Variants in MANBA observed in about 807,000 individuals in gnomAD.
The protein encoded by MANBA is mannosidase beta, also known as beta-mannosidase.
MANBA carries 83 observed loss-of-function variants against 111.1 expected under a neutral mutation model. The observed-to-expected ratio is 0.75, with a 90% CI of 0.63 to 0.90. The LOEUF (loss-of-function observed/expected upper bound fraction) is 0.90, where lower values mean the gene tolerates loss of function less well. MANBA is among the 40% of genes least tolerant of loss of function. The pLI is 0.00. For missense variants in MANBA, 1,036 were observed against 1,069.0 expected, an observed-to-expected ratio of 0.97 and a Z score of 0.43; for synonymous variants, 370 against 378.7, an observed-to-expected ratio of 0.98 and a Z score of 0.27.
At chr4:102,729,819 A>C (rs1246600759) in intron 1 of MANBA, 22 of 1,258,886 alleles carry the variant, frequency 1.7e-5, no homozygotes, top group Non-Finnish European at 2.4e-5. Flanking sequence ...AGTCTCCAGC[A>C]TCTTGTTCTA....
In MANBA at chr4:102,704,095, G is replaced by GA. The variant is rs749948100; in HGVS notation, c.673+10342dup. On this transcript the variant is annotated intron_variant, in intron 5 of 16. Coordinates refer to ENST00000647097, the MANE Select transcript of MANBA (RefSeq NM_005908.4). ...GGGTAACAGAGCAAAACTCTATCTC[G>GA]AAAAAAAAAAACCAAAAAATTTGAT... Among the ~76,000 whole-genome samples the GA allele has an allele frequency of 2.9e-3, 419 of 143,282 alleles. 4 individuals are homozygous for GA. Among genetic ancestry groups the GA allele is most frequent in the East Asian group, 0.027 (134 of 4,994 alleles). The allele number at this position is 143,282 out of a possible 152,430, so 94.0% of individuals were successfully genotyped here.
At chr4:102,667,351 T>C (rs1222593263) in intron 10 of MANBA, 1 of 152,150 alleles carries the variant, frequency 6.6e-6, no homozygotes, top group East Asian at 1.9e-4. Context: ...GGTGAGAAAG[T>C]AAATACAAAT....
intron 7 of MANBA, among the ~76,000 whole-genome samples, chr4:102,682,242 T>C (rs1732020065): frequency 6.6e-6 from 1 of 151,086 alleles, no homozygotes. Context: ...AATCTAAGCA[T>C]ACATGTATAT....
chr4:102,689,713 A>C (rs1343243628), intron 6 of MANBA, 29 bp from the exon 7 acceptor site: 2 of 1,322,698 alleles, frequency 1.5e-6, no homozygotes, highest in East Asian at 2.3e-5. Flanking sequence ...AGTCACTCTA[A>C]TATGTCATAT....
intron 14 of MANBA, 103 bp from the exon 15 acceptor site, chr4:102,636,110 G>A: frequency 9.9e-7 from 1 of 1,012,244 alleles, no homozygotes; most frequent in Non-Finnish European, 1.5e-6. Flanking sequence ...CTAAGGGAGT[G>A]AGCATGTGAG....
intron 1 of MANBA, among the ~76,000 whole-genome samples, chr4:102,741,691 T>A (rs1309231234): frequency 6.6e-6 from 1 of 152,246 alleles, no homozygotes; most frequent in Non-Finnish European, 1.5e-5. Flanking sequence ...CCAAGCATTG[T>A]ATGTTCTCAC....
intron 14 of MANBA, among the ~76,000 whole-genome samples, chr4:102,638,454 C>T (rs1227484648): frequency 7.7e-6 from 1 of 129,796 alleles, no homozygotes; most frequent in African/African-American, 3.1e-5. Flanking sequence ...AAACAAAAAA[C>T]CACTTAGAGT....
intron 1 of MANBA, chr4:102,728,264 T>C: frequency 1.9e-6 from 1 of 536,124 alleles, no homozygotes; most frequent in East Asian, 5.4e-5. Flanking sequence ...CCAGGCACCC[T>C]GTTCCTTCCT....
intron 1 of MANBA, among the ~76,000 whole-genome samples, chr4:102,741,796 T>C (rs1209345868): frequency 6.6e-6 from 1 of 152,144 alleles, no homozygotes; most frequent in Admixed American, 6.5e-5. Context: ...AGGTGAGGGA[T>C]AAAAGACTAC....
chr4:102,741,510 C>T (rs1376440396), intron 1 of MANBA, among the ~76,000 whole-genome samples: 3 of 152,162 alleles, frequency 2.0e-5, no homozygotes, highest in East Asian at 1.9e-4. Flanking sequence ...CACCACAATT[C>T]GCAATTGCAA....
chr4:102,729,362 C>T (rs1445976727), intron 1 of MANBA: 4 of 775,094 alleles, frequency 5.2e-6, no homozygotes, highest in South Asian at 2.9e-5. Context: ...CTGCAGTTGG[C>T]GATCTCCTCG....
At chr4:102,694,479 A>C (rs1732619689) in intron 5 of MANBA, among the ~76,000 whole-genome samples, 1 of 152,184 alleles carries the variant, frequency 6.6e-6, no homozygotes. Flanking sequence ...GTAGTTAAGA[A>C]GAACTCCATC....
At chr4:102,690,064 C>A (rs2110243172) in intron 6 of MANBA, among the ~76,000 whole-genome samples, 1 of 152,206 alleles carries the variant, frequency 6.6e-6, no homozygotes, top group South Asian at 2.1e-4. Flanking sequence ...CTTACTTTAT[C>A]TCAACAGCTA....
intron 1 of MANBA, among the ~76,000 whole-genome samples, chr4:102,759,695 A>AT (rs1053666688): frequency 6.6e-6 from 1 of 152,132 alleles, no homozygotes; most frequent in Non-Finnish European, 1.5e-5. Context: ...AAAACACATG[A>AT]TTTTTTAAAA....
intron 5 of MANBA, among the ~76,000 whole-genome samples, chr4:102,709,468 A>C: frequency 6.6e-6 from 1 of 152,010 alleles, no homozygotes; most frequent in Non-Finnish European, 1.5e-5. Flanking sequence ...GTGAACCTGA[A>C]CGACTAATAA....
chr4:102,693,206 C>G (rs541382046), intron 5 of MANBA, among the ~76,000 whole-genome samples: 1 of 152,298 alleles, frequency 6.6e-6, no homozygotes, highest in Non-Finnish European at 1.5e-5. Context: ...AGTCTGCTCG[C>G]TCACCAGTGT....
rs548435011 is a variant in MANBA at position 102,755,507 on chromosome 4, C to T, written c.177+5211G>A. Among the ~76,000 whole-genome samples the T allele has an allele frequency of 1.2e-3, 179 of 152,216 alleles. 3 individuals carry two copies. The highest frequency in any genetic ancestry group is 3.9e-3 in the African/African-American group (161 of 41,508). ...AAAGACTTAAATGTTAGACCTAAAA[C>T]CATAAAAACCCTAGAAGAAAACCTA... On this transcript the variant is annotated intron_variant, in intron 1 of 16. Coordinates refer to ENST00000647097, the MANE Select transcript of MANBA (RefSeq NM_005908.4).
At chr4:102,693,431 A>T (rs1335499294) in intron 5 of MANBA, among the ~76,000 whole-genome samples, 1 of 152,200 alleles carries the variant, frequency 6.6e-6, no homozygotes, top group East Asian at 1.9e-4. Context: ...CAGCCTTATA[A>T]GAAGAGGAAG....
intron 11 of MANBA, chr4:102,659,024 C>G (rs1436409409): frequency 1.3e-5 from 2 of 152,014 alleles, no homozygotes; most frequent in Non-Finnish European, 2.9e-5. Context: ...TGGCATTTTT[C>G]CACACTGCAG....
Sources: allele counts gnomAD v4.1 joint callset (sites outside exome capture counted in the v4.1 genomes callset), GRCh38; gene constraint gnomAD v4.1.1; transcripts MANE v1.5; gene names NCBI Gene and HGNC (gene_info 2026-07-23, HGNC 2026-07-21).